Variants in ZNF251 observed in about 807,000 individuals in gnomAD.
ZNF251 encodes the protein zinc finger protein 251.
ZNF251 carries 14 observed loss-of-function variants against 13.5 expected under a neutral mutation model. That is an observed-to-expected ratio of 1.04 (90% CI 0.69 to 1.63). The LOEUF (loss-of-function observed/expected upper bound fraction) is 1.63, where lower values mean the gene tolerates loss of function less well. ZNF251 is among the 40% of genes most tolerant of loss of function. The pLI, the probability that ZNF251 is intolerant of heterozygous loss-of-function variation, is 0.00. For synonymous variants in ZNF251, 287 were observed against 295.2 expected (o/e 0.97, Z 0.28); for missense variants, 764 against 834.9 (o/e 0.92, Z 1.05).
intron 4 of ZNF251, among the ~76,000 whole-genome samples, chr8:144,751,997 AG>A (rs1184711968): frequency 6.6e-6 from 1 of 152,216 alleles, no homozygotes; most frequent in Non-Finnish European, 1.5e-5. Context: ...GATAGTCATA[AG>A]TGAAGTAAGT....
At chr8:144,731,609 C>T (rs1174710502) in intron 4 of ZNF251, among the ~76,000 whole-genome samples, 1 of 152,230 alleles carries the variant, frequency 6.6e-6, no homozygotes, top group African/African-American at 2.4e-5. Flanking sequence ...CATTTTGAGA[C>T]AGAGTCTTGC....
chr8:144,738,309 C>G (rs1823997378), intron 4 of ZNF251, among the ~76,000 whole-genome samples: 1 of 152,132 alleles, frequency 6.6e-6, no homozygotes, highest in South Asian at 2.1e-4. Context: ...TCAATATGCC[C>G]CGTAGAAAGG....
Position 144,730,800 on chromosome 8 carries a change from G to A in ZNF251, c.278-7418C>T, listed in dbSNP as rs185037320. ...TCTTGGACACCCCCGAAACACACTC[G>A]AAACTTCTAATGCAGGGCACCTGTG... On this transcript the variant is annotated intron_variant, in intron 4 of 4. Transcript: ENST00000292562. 3.8e-3 allele frequency among the ~76,000 whole-genome samples: 575 copies of A among 152,308 alleles called. 3 individuals are homozygous for A. Among genetic ancestry groups the A allele is most frequent in the Non-Finnish European group, 4.2e-3 (288 of 68,010 alleles).
intron 4 of ZNF251, among the ~76,000 whole-genome samples, chr8:144,745,977 T>A (rs972311724): frequency 1.3e-5 from 2 of 152,244 alleles, no homozygotes; most frequent in African/African-American, 4.8e-5. Context: ...TATATTTTTA[T>A]CAGTCTTGTA....
chr8:144,733,711 C>T (rs113717464), intron 4 of ZNF251, among the ~76,000 whole-genome samples: 9 of 152,336 alleles, frequency 5.9e-5, no homozygotes, highest in East Asian at 3.9e-4. Context: ...CCTCTCTCCT[C>T]GCGCCGACCT....
intron 4 of ZNF251, among the ~76,000 whole-genome samples, chr8:144,732,704 T>C (rs186516355): frequency 0.025 from 3,822 of 150,544 alleles, 136 homozygotes; most frequent in African/African-American, 0.081. Context: ...CCCAGCTACT[T>C]GGGAGGCTGA....
At chr8:144,747,769 C>T (rs1198868299) in intron 4 of ZNF251, among the ~76,000 whole-genome samples, 2 of 152,154 alleles carry the variant, frequency 1.3e-5, no homozygotes, top group African/African-American at 2.4e-5. Flanking sequence ...TGAGCCACCA[C>T]GCCCGGCTAA....
intron 4 of ZNF251, among the ~76,000 whole-genome samples, chr8:144,732,645 T>G (rs1054414678): frequency 1.3e-5 from 2 of 151,522 alleles, no homozygotes; most frequent in Non-Finnish European, 2.9e-5. Context: ...ACCCCGTCTC[T>G]ACTAAAAATA....
Position 144,722,203 on chromosome 8 carries a change from T to A in ZNF251, c.1457A>T (p.Glu486Val). 1 of 1,614,110 alleles carries A rather than the reference T, an allele frequency of 6.2e-7. No individual in the cohort carries two copies. Among genetic ancestry groups the A allele is most frequent in the Admixed American group, 1.7e-5 (1 of 60,006 alleles). Residue 486 changes from glutamate (E) to valine (V), a missense_variant, in exon 5 of 5, where the codon GAG (glutamate) becomes GTG (valine). Coordinates refer to ENST00000292562, the MANE Select transcript of ZNF251 (RefSeq NM_138367.2). The surrounding 1 kb of genome is among the most constrained non-coding windows in gnomAD (Gnocchi z 4.8). ...LTLHQRVHTG[E>V]KPYDCGDCGK... The stretch of plus-strand genomic sequence containing the variant: ...ACAGTCACCACAGTCATAGGGCTTC[T>A]CTCCAGTGTGAACTCGCTGATGTAG...
intron 4 of ZNF251, among the ~76,000 whole-genome samples, chr8:144,729,329 AT>A (rs1315950493): frequency 8.1e-6 from 1 of 123,730 alleles, no homozygotes; most frequent in Non-Finnish European, 1.7e-5. Flanking sequence ...TTATTTATTT[AT>A]TTTTATTTTT....
Position 144,722,373 on chromosome 8 carries a change from T to C in ZNF251, c.1287A>G (p.Gly429=). The C allele has an allele frequency of 1.2e-6, 2 of 1,613,946 alleles. No individual in the cohort carries two copies. The highest frequency in any genetic ancestry group is 1.1e-5 in the South Asian group (1 of 91,066). Residue 429 remains glycine (G), a synonymous_variant, in exon 5 of 5, where the codon GGA becomes GGG. Coordinates refer to ENST00000292562, the MANE Select transcript of ZNF251 (RefSeq NM_138367.2). The surrounding 1 kb of genome is among the most constrained non-coding windows in gnomAD (Gnocchi z 4.8). Reference sequence around the variant, plus strand: ...ACTCATTACAAACATAGGGTTTTTCTCCTGTGTGAATCCTTACGTGTTCAG... The same window carrying C: ...ACTCATTACAAACATAGGGTTTTTCCCCTGTGTGAATCCTTACGTGTTCAG... ...HLTEHVRIHT[G]EKPYVCNECG...
At chr8:144,731,908 ATAAAAT>A (rs1016173509) in intron 4 of ZNF251, among the ~76,000 whole-genome samples, 2 of 150,568 alleles carry the variant, frequency 1.3e-5, no homozygotes, top group Admixed American at 6.6e-5. Context: ...AAAAGTAAAA[ATAAAAT>A]TAAATTCAAT....
chr8:144,732,146 T>C (rs1440109751), intron 4 of ZNF251, among the ~76,000 whole-genome samples: 2 of 149,640 alleles, frequency 1.3e-5, no homozygotes, highest in African/African-American at 4.9e-5. Context: ...GTTTACCATG[T>C]TGGCCAGGCT....
At chr8:144,753,660 A>G (rs745728752) in intron 4 of ZNF251, 23 bp downstream of exon 4, 4 of 1,544,248 alleles carry the variant, frequency 2.6e-6, no homozygotes, top group African/African-American at 2.7e-5. Flanking sequence ...TGCTCCCAGG[A>G]TTAGCATCCC....
At chr8:144,729,158 T>G (rs1395352756) in intron 4 of ZNF251, among the ~76,000 whole-genome samples, 1 of 149,846 alleles carries the variant, frequency 6.7e-6, no homozygotes, top group East Asian at 2.0e-4. Flanking sequence ...TAAAATGAAG[T>G]GTGCCTGACC....
At chr8:144,738,149 G>A (rs566992285) in intron 4 of ZNF251, among the ~76,000 whole-genome samples, 66 of 152,152 alleles carry the variant, frequency 4.3e-4, no homozygotes, top group Non-Finnish European at 1.0e-4. Context: ...CCCAGCAGGC[G>A]GCCCAGCACA....
At chr8:144,732,748 C>T (rs1347591757) in intron 4 of ZNF251, among the ~76,000 whole-genome samples, 12 of 145,886 alleles carry the variant, frequency 8.2e-5, no homozygotes, top group Admixed American at 1.4e-4. Flanking sequence ...GGAGGCGGAG[C>T]TTGCAGTGAG....
chr8:144,743,028 C>T (rs1343326619), intron 4 of ZNF251, among the ~76,000 whole-genome samples: 1 of 152,118 alleles, frequency 6.6e-6, no homozygotes, highest in Admixed American at 6.6e-5. Context: ...CTTAAGGTTC[C>T]TCTATGTCTT....
At chr8:144,727,185 C>T (rs911556499) in intron 4 of ZNF251, among the ~76,000 whole-genome samples, 4 of 152,194 alleles carry the variant, frequency 2.6e-5, no homozygotes, top group Admixed American at 6.5e-5. Flanking sequence ...GCAGGGACAC[C>T]ACTAGGCTTC....
Sources: allele counts gnomAD v4.1 joint callset (sites outside exome capture counted in the v4.1 genomes callset), GRCh38; gene constraint gnomAD v4.1.1; non-coding constraint Gnocchi (gnomAD v3.1); transcripts MANE v1.5; gene names NCBI Gene and HGNC (gene_info 2026-07-23, HGNC 2026-07-21).